Variants in ROR2 observed in about 807,000 individuals in gnomAD.
ROR2 encodes ROR family WNT receptor 2.
ROR2 carries 33 observed loss-of-function variants against 74.9 expected under a neutral mutation model. The ratio of observed to expected loss-of-function variants is 0.44; its 90% confidence interval spans 0.33 to 0.59. ROR2 has a LOEUF of 0.59. ROR2 is among the 20% of genes least tolerant of loss of function. The probability of loss-of-function intolerance (pLI) is 0.02; values close to 1 mark genes in which losing one functional copy is unlikely to be tolerated. For missense variants in ROR2, 1,216 were observed against 1,313.8 expected, an observed-to-expected ratio of 0.93 and a Z score of 1.15; for synonymous variants, 586 against 558.7, an observed-to-expected ratio of 1.05 and a Z score of -0.69.
intron 1 of ROR2, among the ~76,000 whole-genome samples, chr9:91,842,147 AG>A (rs1468818676): frequency 6.6e-6 from 1 of 152,234 alleles, no homozygotes; most frequent in Non-Finnish European, 1.5e-5. Flanking sequence ...AAGGAAAGAA[AG>A]GAGAGAAAAA....
intron 1 of ROR2, among the ~76,000 whole-genome samples, chr9:91,913,336 T>G (rs1831041567): frequency 6.6e-6 from 1 of 152,230 alleles, no homozygotes; most frequent in Admixed American, 6.5e-5. Context: ...AGATTTTTAT[T>G]CTTTGGAATG....
At chr9:91,854,171 C>A (rs1829201788) in intron 1 of ROR2, among the ~76,000 whole-genome samples, 1 of 152,184 alleles carries the variant, frequency 6.6e-6, no homozygotes, top group Admixed American at 6.5e-5. Flanking sequence ...GCAGCTGGAG[C>A]ATTCACTACC....
chr9:91,909,851 T>TTG lies in ROR2; in HGVS notation c.97+40015_97+40016insCA, dbSNP rs1554691403. Reference sequence around the variant, plus strand: ...TTTTTTTTTTAGGTTTGTTTTGTTTTTTTTTTTTTTTTTTTTTTTTAGTTT... The same window carrying TTG: ...TTTTTTTTTTAGGTTTGTTTTGTTTTTGTTTTTTTTTTTTTTTTTTTTAGTTT... On this transcript the variant is annotated intron_variant, in intron 1 of 8. Transcript: ENST00000375708. 1.9e-4 allele frequency among the ~76,000 whole-genome samples: 21 copies of TTG among 108,588 alleles called. 1 individual carries two copies. Among genetic ancestry groups the TTG allele is most frequent in the African/African-American group, 8.5e-4 (20 of 23,604 alleles). The allele number at this position is 108,588 out of a possible 152,430, so 71.2% of individuals were successfully genotyped here. A position where few individuals can be genotyped will look rare whatever the true frequency, so the allele number is the denominator to read the frequency against.
rs926055834 is a variant in ROR2, at chr9:91,825,583, C to T, written c.98-49765G>A. ...GGAGAAGGTGGGTGTCAGGAAACAT[C>T]CCAACGCCAGTATTCGGGATGCCGG... is the stretch of plus-strand genomic sequence containing the variant. On this transcript the variant is annotated intron_variant, in intron 1 of 8. Coordinates refer to ENST00000375708, the MANE Select transcript of ROR2 (RefSeq NM_004560.4). Among the ~76,000 whole-genome samples, 3 of 152,130 alleles carry T rather than the reference C, an allele frequency of 2.0e-5. No individual in the cohort carries two copies. In the East Asian group the frequency reaches 5.8e-4, roughly 29 times the overall value.
In ROR2 at chr9:91,903,849, G is replaced by A. The variant is rs138256421; in HGVS notation, c.97+46018C>T. ...AATAAAATGCCCATACTTATTTTAC[G>A]TATTTAAAGGGATATTGCTGCATTC... On this transcript the variant is annotated intron_variant, in intron 1 of 8. Transcript: ENST00000375708. Among the ~76,000 whole-genome samples, 189 of 152,182 alleles carry A rather than the reference G, an allele frequency of 1.2e-3. 1 individual carries two copies. Among genetic ancestry groups the A allele is most frequent in the African/African-American group, 4.4e-3 (183 of 41,518 alleles).
At chr9:91,779,486 T>C (rs1052068700) in intron 1 of ROR2, among the ~76,000 whole-genome samples, 4 of 150,576 alleles carry the variant, frequency 2.7e-5, no homozygotes, top group African/African-American at 9.8e-5. Flanking sequence ...TTCTCCTGCC[T>C]CCGCCTCCCA....
chr9:91,888,476 C>A (rs553711921), intron 1 of ROR2, among the ~76,000 whole-genome samples: 11 of 152,110 alleles, frequency 7.2e-5, no homozygotes, highest in Non-Finnish European at 1.6e-4. Context: ...AATGAAGACA[C>A]CATTTCATCC....
At chr9:91,816,131 A>G (rs951688683) in intron 1 of ROR2, among the ~76,000 whole-genome samples, 17 of 151,964 alleles carry the variant, frequency 1.1e-4, no homozygotes, top group Admixed American at 2.6e-4. Context: ...CTATCCCAAT[A>G]CAGGTCTCGG....
At chr9:91,788,504 T>A (rs1170125513) in intron 1 of ROR2, among the ~76,000 whole-genome samples, 1 of 150,904 alleles carries the variant, frequency 6.6e-6, no homozygotes, top group African/African-American at 2.4e-5. Flanking sequence ...TGGCTTCTCA[T>A]CAGAACCCAG....
At chr9:91,812,720 C>T (rs1232713067) in intron 1 of ROR2, among the ~76,000 whole-genome samples, 1 of 152,060 alleles carries the variant, frequency 6.6e-6, no homozygotes, top group East Asian at 1.9e-4. Context: ...GTCCCTTTCT[C>T]CTTGTAAAGA....
chr9:91,903,485 C>T (rs372350682), intron 1 of ROR2, among the ~76,000 whole-genome samples: 10 of 150,602 alleles, frequency 6.6e-5, no homozygotes, highest in Admixed American at 2.0e-4. Context: ...TTTTTTTTTT[C>T]TCCTCAAGTC....
intron 4 of ROR2, among the ~76,000 whole-genome samples, chr9:91,742,001 G>C (rs1825267956): frequency 6.6e-6 from 1 of 152,210 alleles, no homozygotes; most frequent in South Asian, 2.1e-4. Flanking sequence ...AATCAGCAGA[G>C]CAGGTTGGAT....
At chr9:91,770,408 C>T (rs967225806) in intron 2 of ROR2, among the ~76,000 whole-genome samples, 1 of 152,186 alleles carries the variant, frequency 6.6e-6, no homozygotes, top group Non-Finnish European at 1.5e-5. Context: ...TCGGTATGGG[C>T]GGGGGCAGGG....
At chr9:91,944,447 T>C (rs1831958789) in intron 1 of ROR2, among the ~76,000 whole-genome samples, 2 of 152,208 alleles carry the variant, frequency 1.3e-5, no homozygotes, top group African/African-American at 4.8e-5. Flanking sequence ...TATTTGTAGA[T>C]GATACGACTT....
At chr9:91,866,069 C>T (rs947088337) in intron 1 of ROR2, among the ~76,000 whole-genome samples, 15 of 152,084 alleles carry the variant, frequency 9.9e-5, no homozygotes, top group Non-Finnish European at 2.1e-4. Context: ...TAGTGATATT[C>T]TTCCCTCTGC....
At chr9:91,909,472 G>A (rs1177220542) in intron 1 of ROR2, among the ~76,000 whole-genome samples, 1 of 151,582 alleles carries the variant, frequency 6.6e-6, no homozygotes, top group African/African-American at 2.4e-5. Flanking sequence ...TCATCCTCCC[G>A]AGTAGCTGGC....
chr9:91,784,527 G>A (rs1826729922), intron 1 of ROR2, among the ~76,000 whole-genome samples: 1 of 152,230 alleles, frequency 6.6e-6, no homozygotes, highest in Non-Finnish European at 1.5e-5. Context: ...CCGTGGTGAT[G>A]GCAGTCAGAA....
intron 1 of ROR2, among the ~76,000 whole-genome samples, chr9:91,784,138 C>A (rs1401973185): frequency 1.3e-5 from 2 of 152,190 alleles, no homozygotes; most frequent in East Asian, 3.9e-4. Context: ...CCGTTACACA[C>A]CTGTGCCCTG....
intron 1 of ROR2, among the ~76,000 whole-genome samples, chr9:91,851,407 T>G (rs1169911047): frequency 6.6e-6 from 1 of 151,622 alleles, no homozygotes; most frequent in Admixed American, 6.6e-5. Flanking sequence ...ATATATTCCA[T>G]AGGTCTGTGT....
Sources: allele counts gnomAD v4.1 joint callset (sites outside exome capture counted in the v4.1 genomes callset), GRCh38; gene constraint gnomAD v4.1.1; transcripts MANE v1.5; gene names NCBI Gene and HGNC (gene_info 2026-07-23, HGNC 2026-07-21).